Variants in RAP1GAP2 observed in about 807,000 individuals in gnomAD.
RAP1GAP2 encodes the protein RAP1 GTPase activating protein 2.
A neutral mutation model predicts 95.0 loss-of-function variants in RAP1GAP2; 27 were observed. The observed-to-expected ratio is 0.28, with a 90% CI of 0.21 to 0.39. The LOEUF (loss-of-function observed/expected upper bound fraction) is 0.39, where lower values mean the gene tolerates loss of function less well. RAP1GAP2 is among the 10% of genes least tolerant of loss of function. The pLI, the probability that RAP1GAP2 is intolerant of heterozygous loss-of-function variation, is 1.00. For missense variants in RAP1GAP2, 771 were observed against 970.0 expected, an observed-to-expected ratio of 0.79 and a Z score of 2.72; for synonymous variants, 373 against 380.9, an observed-to-expected ratio of 0.98 and a Z score of 0.24.
At chr17:2,918,403 A>G (rs1363489454) in intron 3 of RAP1GAP2, among the ~76,000 whole-genome samples, 3 of 144,548 alleles carry the variant, frequency 2.1e-5, no homozygotes, top group South Asian at 4.5e-4. Flanking sequence ...ACTACACTCC[A>G]GCCTGGGCAA....
intron 22 of RAP1GAP2, 109 bp from the exon 23 acceptor site, chr17:3,030,812 TG>T: frequency 9.7e-7 from 1 of 1,035,026 alleles, no homozygotes; most frequent in Non-Finnish European, 1.4e-6. Flanking sequence ...TGCCTGGTCC[TG>T]GTGGAGGGCA....
Position 2,981,276 on chromosome 17 carries a change from G to A in RAP1GAP2, c.729+28G>A, listed in dbSNP as rs143179262. On this transcript the variant is annotated intron_variant, in intron 10 of 24. Coordinates refer to ENST00000254695, the MANE Select transcript of RAP1GAP2 (RefSeq NM_015085.5). ...AAGGACCTTCATGCTCCCAACATAG[G>A]GGCCCTGCAGCTTGGCAAGGATTTG... 3.2e-6 allele frequency: 5 copies of A among 1,585,092 alleles called. No homozygotes were observed. In the African/African-American group the frequency reaches 4.0e-5, roughly 13 times the overall value.
At chr17:2,805,325 C>T (rs2069467665) in intron 2 of RAP1GAP2, among the ~76,000 whole-genome samples, 1 of 152,054 alleles carries the variant, frequency 6.6e-6, no homozygotes, top group African/African-American at 2.4e-5. Context: ...ACGGGAGGAT[C>T]TGAGCTGGGA....
chr17:3,010,281 A>G (rs1000971743), intron 17 of RAP1GAP2, among the ~76,000 whole-genome samples: 44 of 141,468 alleles, frequency 3.1e-4, no homozygotes, highest in African/African-American at 9.2e-4. Flanking sequence ...CGGAGGTTGC[A>G]GTGAGCCGAG....
intron 3 of RAP1GAP2, among the ~76,000 whole-genome samples, chr17:2,921,641 G>T (rs578237537): frequency 6.6e-6 from 1 of 151,748 alleles, no homozygotes. Flanking sequence ...GTGTCAGCAG[G>T]GCCGTTATGT....
intron 1 of RAP1GAP2, among the ~76,000 whole-genome samples, chr17:2,784,532 A>G (rs1276066320): frequency 6.6e-6 from 1 of 152,112 alleles, no homozygotes; most frequent in Non-Finnish European, 1.5e-5. Context: ...CGGCATCCCA[A>G]AGTGCTGGGA....
chr17:2,945,018 C>T (rs905011218), intron 3 of RAP1GAP2, among the ~76,000 whole-genome samples: 4 of 152,032 alleles, frequency 2.6e-5, no homozygotes, highest in South Asian at 2.1e-4. Flanking sequence ...GGATTACAGG[C>T]GCCCGCCACC....
intron 1 of RAP1GAP2, among the ~76,000 whole-genome samples, chr17:2,787,711 G>A (rs541462856): frequency 4.1e-4 from 63 of 152,156 alleles, no homozygotes; most frequent in Non-Finnish European, 7.5e-4. Flanking sequence ...GGGAATACAG[G>A]CGCATGCCGC....
At chr17:2,761,809 G>A (rs377559134) in intron 1 of RAP1GAP2, among the ~76,000 whole-genome samples, 7 of 151,942 alleles carry the variant, frequency 4.6e-5, no homozygotes, top group African/African-American at 1.2e-4. Context: ...AGCTGTGTAC[G>A]AAGGTTCCGG....
rs774230895 is a variant in RAP1GAP2 at position 2,963,441 on chromosome 17, C to T, written c.258C>T (p.Ile86=). Residue 86 remains isoleucine (I), a synonymous_variant, in exon 6 of 25, where the codon ATC becomes ATT. Transcript: ENST00000254695. The surrounding 1 kb of genome is among the most constrained non-coding windows in gnomAD (Gnocchi z 4.8). ...PGPQKNKDDY[I]PYPSIDEVVE... is the part of the protein sequence containing the mutation. ...GGTTTGTCTTGCAGGACGACTATAT[C>T]CCATACCCCAGCATCGACGAGGTAG... The T allele has an allele frequency of 1.2e-6, 2 of 1,613,820 alleles. No homozygotes were observed. The highest frequency in any genetic ancestry group is 1.7e-6 in the Non-Finnish European group (2 of 1,179,812).
chr17:2,944,710 C>G (rs73976731), intron 3 of RAP1GAP2, among the ~76,000 whole-genome samples: 3,124 of 152,210 alleles, frequency 0.021, 121 homozygotes, highest in African/African-American at 0.07. Flanking sequence ...ATAGGTAGAT[C>G]ACTTTGAATG....
chr17:2,819,566 C>T (rs979205757), intron 2 of RAP1GAP2, among the ~76,000 whole-genome samples: 16 of 151,766 alleles, frequency 1.1e-4, no homozygotes, highest in Non-Finnish European at 1.9e-4. Context: ...CTCTGCCTCC[C>T]GGGTTCCAGC....
At chr17:2,799,023 G>A (rs1345387966) in intron 1 of RAP1GAP2, among the ~76,000 whole-genome samples, 4 of 152,218 alleles carry the variant, frequency 2.6e-5, no homozygotes, top group African/African-American at 7.2e-5. Context: ...GTGTCAGTGG[G>A]GGATTTCTGC....
intron 2 of RAP1GAP2, among the ~76,000 whole-genome samples, chr17:2,809,568 T>C (rs1015695376): frequency 5.9e-5 from 9 of 152,110 alleles, no homozygotes; most frequent in Non-Finnish European, 1.2e-4. Flanking sequence ...GGCCATGCAC[T>C]TGGGCTTCCT....
chr17:2,954,580 A>G (rs556314364), intron 3 of RAP1GAP2, among the ~76,000 whole-genome samples: 12 of 151,392 alleles, frequency 7.9e-5, no homozygotes, highest in Admixed American at 3.3e-4. Flanking sequence ...TTATTTATTT[A>G]TTTATTTATT....
At chr17:2,886,782 C>T (rs951609943) in intron 2 of RAP1GAP2, among the ~76,000 whole-genome samples, 7 of 152,004 alleles carry the variant, frequency 4.6e-5, no homozygotes, top group Non-Finnish European at 7.4e-5. Context: ...CGGCAGGGGT[C>T]GGGGAGTGGG....
In RAP1GAP2 at chr17:2,823,928, C is replaced by T. The variant is rs111734174; in HGVS notation, c.80+23378C>T. ...CACGAGGTCAGGAGATCGAGACCAT[C>T]CTGGCCAACATGGTGAAACCCCATC... On this transcript the variant is annotated intron_variant, in intron 2 of 24. Transcript: ENST00000254695. Among the ~76,000 whole-genome samples the T allele has an allele frequency of 4.7e-3, 707 of 150,566 alleles. 8 individuals carry two copies. The highest frequency in any genetic ancestry group is 0.017 in the African/African-American group (683 of 40,934).
intron 2 of RAP1GAP2, among the ~76,000 whole-genome samples, chr17:2,826,746 G>C (rs970073200): frequency 6.6e-6 from 1 of 152,158 alleles, no homozygotes; most frequent in Non-Finnish European, 1.5e-5. Context: ...GGTGGCTCAC[G>C]CCTGTAATCC....
At chr17:2,947,344 G>T (rs1365585888) in intron 3 of RAP1GAP2, among the ~76,000 whole-genome samples, 1 of 152,108 alleles carries the variant, frequency 6.6e-6, no homozygotes, top group Non-Finnish European at 1.5e-5. Flanking sequence ...TGGGCATAGG[G>T]TTGGCCATCC....
Sources: allele counts gnomAD v4.1 joint callset (sites outside exome capture counted in the v4.1 genomes callset), GRCh38; gene constraint gnomAD v4.1.1; non-coding constraint Gnocchi (gnomAD v3.1); transcripts MANE v1.5; gene names NCBI Gene and HGNC (gene_info 2026-07-23, HGNC 2026-07-21).